Variants in PALD1 observed in about 807,000 individuals in gnomAD.
The protein encoded by PALD1 is phosphatase domain containing paladin 1, also known as paladin.
PALD1 carries 57 observed loss-of-function variants against 96.0 expected under a neutral mutation model. That is an observed-to-expected ratio of 0.59 (90% CI 0.48 to 0.74). PALD1 has a LOEUF of 0.74. Among genes scored for constraint, PALD1 ranks in the 30% least tolerant of loss-of-function variants. The pLI is 0.00. For missense variants in PALD1, 1,063 were observed against 1,143.7 expected, an observed-to-expected ratio of 0.93 and a Z score of 1.02; for synonymous variants, 464 against 473.6, an observed-to-expected ratio of 0.98 and a Z score of 0.26.
chr10:70,529,874 G>T lies in PALD1; in HGVS notation c.289-15G>T. 1 of 1,612,258 alleles carries T rather than the reference G, an allele frequency of 6.2e-7. No individual in the cohort carries two copies. ...GAGCCATCTGAGTGACCTTCCTGTG[G>T]CTCTCCCCTGCCAGGGCCGCTACTT... On this transcript the variant is annotated splice_polypyrimidine_tract_variant and intron_variant, in intron 3 of 19. Coordinates refer to ENST00000263563, the MANE Select transcript of PALD1 (RefSeq NM_014431.3).
At chr10:70,551,959 C>T (rs1240263158) in intron 18 of PALD1, among the ~76,000 whole-genome samples, 2 of 152,220 alleles carry the variant, frequency 1.3e-5, no homozygotes, top group African/African-American at 4.8e-5. Context: ...TGCCCGTTTC[C>T]TTCTGGGCTT....
the PALD1 span, among the ~76,000 whole-genome samples, chr10:70,473,738 C>T: frequency 6.6e-6 from 1 of 152,164 alleles, no homozygotes; most frequent in East Asian, 1.9e-4. Flanking sequence ...CTCTGCCTCC[C>T]AGTTTCAAGC....
At chr10:70,502,037 G>A (rs1285204678) in intron 1 of PALD1, among the ~76,000 whole-genome samples, 1 of 152,022 alleles carries the variant, frequency 6.6e-6, no homozygotes, top group Non-Finnish European at 1.5e-5. Context: ...AGTGGCTCAT[G>A]CCTGTAATCC....
intron 1 of PALD1, among the ~76,000 whole-genome samples, chr10:70,487,130 ATTTT>A (rs10669002): frequency 0.074 from 8,161 of 110,326 alleles, 276 homozygotes; most frequent in South Asian, 0.19. Context: ...TCTGAGCCCA[ATTTT>A]TTTTTTTTTT....
At chr10:70,476,869 G>C (rs1282449351), upstream of PALD1, among the ~76,000 whole-genome samples, 1 of 147,738 alleles carries the variant, frequency 6.8e-6, no homozygotes, top group Non-Finnish European at 1.5e-5. Context: ...GGGCAGGGAG[G>C]GTGAGGGGAA....
the PALD1 span, among the ~76,000 whole-genome samples, chr10:70,462,805 T>G: frequency 6.6e-6 from 1 of 152,042 alleles, no homozygotes; most frequent in South Asian, 2.1e-4. Context: ...TTGGCTGAGC[T>G]CTCTGGTTTT....
chr10:70,500,345 C>G (rs898947096), intron 1 of PALD1, among the ~76,000 whole-genome samples: 1 of 152,148 alleles, frequency 6.6e-6, no homozygotes, highest in African/African-American at 2.4e-5. Flanking sequence ...GTGCTTCTCT[C>G]CCATTGCCAC....
chr10:70,516,578 CAG>C (rs1203549591), intron 1 of PALD1, among the ~76,000 whole-genome samples: 1 of 151,544 alleles, frequency 6.6e-6, no homozygotes, highest in Non-Finnish European at 1.5e-5. Flanking sequence ...TTTTTTGAGA[CAG>C]AGTCTCACTC....
At chr10:70,529,573 C>T (rs747231703) in intron 3 of PALD1, among the ~76,000 whole-genome samples, 1 of 152,256 alleles carries the variant, frequency 6.6e-6, no homozygotes. Flanking sequence ...GCCAGCTTTG[C>T]CTCTGGAGAG....
At chr10:70,460,793 C>T in the PALD1 span, among the ~76,000 whole-genome samples, 27 of 152,328 alleles carry the variant, frequency 1.8e-4, 1 homozygote, top group South Asian at 4.8e-3. Context: ...AGGTGGCTCA[C>T]GCCTGTAATC....
chr10:70,521,253 G>A (rs1846728668), intron 1 of PALD1, among the ~76,000 whole-genome samples: 1 of 152,120 alleles, frequency 6.6e-6, no homozygotes, highest in Admixed American at 6.5e-5. Context: ...GACAGTGTGA[G>A]GTGCTTTTGC....
chr10:70,537,716 G>A, intron 10 of PALD1, 95 bp from the exon 11 acceptor site: 1 of 767,292 alleles, frequency 1.3e-6, no homozygotes, highest in East Asian at 2.5e-5. Flanking sequence ...TGTCTTCTGG[G>A]GAGTTCCAAG....
chr10:70,486,112 A>G, intron 1 of PALD1: 1 of 221,982 alleles, frequency 4.5e-6, no homozygotes, highest in South Asian at 8.6e-5. Flanking sequence ...TTCCTCCAGG[A>G]GGAAGTTTCT....
the PALD1 span, among the ~76,000 whole-genome samples, chr10:70,473,620 A>AG: frequency 3.0e-4 from 45 of 151,564 alleles, no homozygotes; most frequent in African/African-American, 1.1e-3. Flanking sequence ...GGAATATAGA[A>AG]GGGGCTCCAT....
chr10:70,467,510 C>T, the PALD1 span, among the ~76,000 whole-genome samples: 5 of 152,086 alleles, frequency 3.3e-5, no homozygotes, highest in African/African-American at 7.2e-5. Context: ...GGGTGAAGGA[C>T]GTCCTAACAC....
At position 70,534,049 on chromosome 10, in the gene PALD1, G is replaced by T. The variant is rs780268863; in HGVS notation, c.998G>T (p.Arg333Leu). 9.3e-6 allele frequency: 15 copies of T among 1,608,082 alleles called. No individual in the cohort carries two copies. Among genetic ancestry groups the T allele is most frequent in the Non-Finnish European group, 1.2e-5 (14 of 1,176,778 alleles). ...MVLGTLILLHRSGTTSQPEAA... is the reference protein window; with the variant it reads ...MVLGTLILLHLSGTTSQPEAA... Reference sequence around the variant, plus strand: ...CTGGGCACCCTCATCCTGCTTCACCGCAGTGGGACCACCTCCCAGCCAGAG... The same window carrying T: ...CTGGGCACCCTCATCCTGCTTCACCTCAGTGGGACCACCTCCCAGCCAGAG... Residue 333 changes from arginine (R) to leucine (L), a missense_variant, in exon 8 of 20, where the codon CGC becomes CTC. Transcript: ENST00000263563.
At chr10:70,519,758 A>G (rs1846692634) in intron 1 of PALD1, among the ~76,000 whole-genome samples, 1 of 151,838 alleles carries the variant, frequency 6.6e-6, no homozygotes, top group African/African-American at 2.4e-5. Context: ...TATTTTTAGT[A>G]GAGACGGGGT....
chr10:70,540,932 G>A lies in PALD1; in HGVS notation c.1909-170G>A, dbSNP rs1847228699. On this transcript the variant is annotated intron_variant, in intron 15 of 19. Coordinates refer to ENST00000263563, the MANE Select transcript of PALD1 (RefSeq NM_014431.3). The surrounding 1 kb of genome is among the most constrained non-coding windows in gnomAD (Gnocchi z 4.2). ...ACTGCACAGGTGCAGCTGTTTACAC[G>A]CACATGGTCTCATGCACCCCGGTGA... 1.3e-5 allele frequency among the ~76,000 whole-genome samples: 2 copies of A among 152,194 alleles called. No individual in the cohort carries two copies. The highest frequency in any genetic ancestry group is 2.1e-4 in the South Asian group (1 of 4,834).
chr10:70,538,180 T>C, intron 11 of PALD1, 100 bp from the exon 12 acceptor site: 1 of 1,283,374 alleles, frequency 7.8e-7, no homozygotes, highest in Middle Eastern at 2.6e-4. Context: ...CTGGGCCATG[T>C]TGGATATCTT....
Sources: gnomAD v4.1 joint callset for allele counts (sites outside exome capture counted in the v4.1 genomes callset) on GRCh38, gnomAD v4.1.1 for gene constraint, Gnocchi (gnomAD v3.1) non-coding constraint, MANE v1.5 for transcripts, NCBI Gene and HGNC (gene_info 2026-07-23, HGNC 2026-07-21) for gene names.